The following FLT4 variants were observed in gnomAD, a reference collection of about 807,000 sequenced individuals.
FLT4 encodes the protein vascular endothelial growth factor receptor 3.
Under a neutral mutation model 163.2 loss-of-function variants are expected in FLT4, and 30 were observed. The observed-to-expected ratio is 0.18, with a 90% CI of 0.14 to 0.25. The LOEUF (loss-of-function observed/expected upper bound fraction) is 0.25. Ranked by LOEUF, FLT4 falls within the 10% of genes least tolerant of loss-of-function variation. The pLI, the probability that FLT4 is intolerant of heterozygous loss-of-function variation, is 1.00. For synonymous variants in FLT4, 884 were observed against 789.5 expected, an observed-to-expected ratio of 1.12 and a Z score of -2.01; for missense variants, 1,510 against 1,863.8, an observed-to-expected ratio of 0.81 and a Z score of 3.50.
chr5:180,643,462 C>T (rs533817329), intron 1 of FLT4, among the ~76,000 whole-genome samples: 3 of 152,324 alleles, frequency 2.0e-5, no homozygotes, highest in South Asian at 2.1e-4. Context: ...TCCTCCCCTC[C>T]CCGCTGCTGG....
Position 180,616,377 on chromosome 5 carries a change from C to A in FLT4, c.3209G>T (p.Arg1070Leu), listed in dbSNP as rs771345898. The A allele has an allele frequency of 6.8e-6, 11 of 1,613,844 alleles. No individual in the cohort carries two copies. Among genetic ancestry groups the A allele is most frequent in the Admixed American group, 1.7e-5 (1 of 60,004 alleles). Reference sequence around the variant, plus strand: ...ATGGCCTGCACTCACACTGCCCTTGCGGACGTAGTCGGGGTCTTTGTAGAT... The same window carrying A: ...ATGGCCTGCACTCACACTGCCCTTGAGGACGTAGTCGGGGTCTTTGTAGAT... ...RDIYKDPDYV[R>L]KGSARLPLKW... is the part of the protein sequence containing the mutation. The change falls in exon 23 of 30, where the codon CGC becomes CTC. Residue 1070 changes from arginine (R) to leucine (L), a missense_variant. Physicochemically the swap from Arg to Leu is moderately radical, Grantham distance 102. Around this residue, in one of 5 missense-constraint regions of FLT4, gnomAD observed 878 missense variants for 1,016.7 expected, o/e 0.86. Coordinates refer to ENST00000261937, the MANE Select transcript of FLT4 (RefSeq NM_182925.5).
chr5:180,609,144 T>G (rs1761982549), intron 28 of FLT4, 91 bp from the exon 29 acceptor site: 1 of 1,063,584 alleles, frequency 9.4e-7, no homozygotes, highest in Non-Finnish European at 1.5e-6. Context: ...GGCATGGTCC[T>G]GCAGCGCGGC....
chr5:180,642,141 AG>A (rs1303275726), intron 1 of FLT4, among the ~76,000 whole-genome samples: 41 of 150,876 alleles, frequency 2.7e-4, no homozygotes, highest in African/African-American at 9.3e-4. Context: ...TGAGAGGCAG[AG>A]CTTGCAGTGG....
chr5:180,642,847 TCTC>T, intron 1 of FLT4, among the ~76,000 whole-genome samples: 1 of 152,170 alleles, frequency 6.6e-6, no homozygotes, highest in South Asian at 2.1e-4. Context: ...TTCTCCAAAT[TCTC>T]CTTTCCCAAG....
chr5:180,604,199 T>C (rs1425412955), intron 29 of FLT4, among the ~76,000 whole-genome samples: 4 of 152,098 alleles, frequency 2.6e-5, no homozygotes, highest in Non-Finnish European at 5.9e-5. Flanking sequence ...GACCCGAGAC[T>C]GTGAAGAATG....
intron 1 of FLT4, among the ~76,000 whole-genome samples, chr5:180,640,333 C>T (rs538588364): frequency 7.5e-4 from 114 of 152,368 alleles, no homozygotes; most frequent in Non-Finnish European, 1.3e-3. Flanking sequence ...CAGGTGGCCA[C>T]GTGGGAGCCC....
intron 1 of FLT4, among the ~76,000 whole-genome samples, chr5:180,633,788 C>T (rs1465694882): frequency 6.6e-6 from 1 of 152,134 alleles, no homozygotes; most frequent in Non-Finnish European, 1.5e-5. Context: ...TGGGGCTAGA[C>T]CCGTCCGGAT....
At chr5:180,606,444 CCTAT>C (rs1179192714) in intron 29 of FLT4, among the ~76,000 whole-genome samples, 2 of 152,312 alleles carry the variant, frequency 1.3e-5, no homozygotes, top group East Asian at 1.9e-4. Context: ...ACGGGACGGC[CCTAT>C]CTGACTCTCC....
chr5:180,629,614 C>A (rs2127835006), intron 6 of FLT4, 82 bp downstream of exon 6: 1 of 1,528,832 alleles, frequency 6.5e-7, no homozygotes, highest in South Asian at 1.2e-5. Context: ...CCCACACATC[C>A]TCCACGCGGA....
In FLT4 at chr5:180,601,776, CGAA is replaced by C. The variant is rs1761529652; in HGVS notation, c.*1413_*1415del. On this transcript the variant is annotated 3_prime_UTR_variant, in exon 30 of 30. Coordinates refer to ENST00000261937, the MANE Select transcript of FLT4 (RefSeq NM_182925.5). ...GGAAGGGGGAGGTCCACGGGGACGA[CGAA>C]GATGACCTTATACGTGCACTCGGCA... 2.1e-5 allele frequency: 5 copies of C among 232,918 alleles called. No individual in the cohort carries two copies. The Admixed American group carries it at 2.8e-4, about 13-fold the overall frequency. The allele number at this position is 232,918 out of a possible 1,614,324, so 14.4% of individuals were successfully genotyped here.
intron 1 of FLT4, among the ~76,000 whole-genome samples, chr5:180,641,455 G>C (rs1282779580): frequency 6.6e-6 from 1 of 152,228 alleles, no homozygotes; most frequent in Non-Finnish European, 1.5e-5. Context: ...TGGCAGGCCT[G>C]CCAGCTGGAC....
chr5:180,625,720 G>A (rs1181779544), intron 10 of FLT4, 149 bp downstream of exon 10: 2 of 750,956 alleles, frequency 2.7e-6, no homozygotes, highest in African/African-American at 1.7e-5. Flanking sequence ...ATTGGCTATA[G>A]CTGAAGGTAG....
chr5:180,641,085 AGCCTCC>A (rs1004123586), intron 1 of FLT4, among the ~76,000 whole-genome samples: 2 of 152,158 alleles, frequency 1.3e-5, no homozygotes, highest in African/African-American at 4.8e-5. Context: ...CCTGAGCACC[AGCCTCC>A]CAGGCCCCTG....
intron 1 of FLT4, among the ~76,000 whole-genome samples, chr5:180,647,384 T>C (rs1029047768): frequency 2.6e-5 from 4 of 151,978 alleles, no homozygotes; most frequent in Middle Eastern, 6.8e-3. Context: ...GTGCCATGGC[T>C]ATGCTTGGGG....
At chr5:180,616,768 C>G in intron 22 of FLT4, 132 bp downstream of exon 22, 1 of 877,770 alleles carries the variant, frequency 1.1e-6, no homozygotes, top group Non-Finnish European at 1.9e-6. Context: ...GCAGAGTTTC[C>G]TCCTCTGCAA....
In FLT4 at chr5:180,611,428, C is replaced by T. The variant is rs779959568; in HGVS notation, c.3589G>A (p.Gly1197Ser). The T allele has an allele frequency of 6.8e-6, 11 of 1,613,902 alleles. No individual in the cohort carries two copies. Among genetic ancestry groups the T allele is most frequent in the Non-Finnish European group, 9.3e-6 (11 of 1,179,990 alleles). ...ATGGTGGACACCTGCGAGAAGCTGC[C>T]CTCTTCTGAGCTCTGAGAGCTGCGC... is the stretch of plus-strand genomic sequence containing the variant. ...APRSSQSSEE[G>S]SFSQVSTMAL... The change falls in exon 27 of 30, where the codon GGC becomes AGC. Residue 1197 changes from glycine to serine, a missense_variant. Coordinates refer to ENST00000261937, the MANE Select transcript of FLT4 (RefSeq NM_182925.5).
chr5:180,618,709 G>T (rs1477859876), intron 21 of FLT4, 61 bp downstream of exon 21: 1 of 1,095,712 alleles, frequency 9.1e-7, no homozygotes. Flanking sequence ...TGGGGTGCCT[G>T]ATCACGGGAT....
chr5:180,608,309 T>C (rs1283455567), intron 29 of FLT4: 8 of 700,768 alleles, frequency 1.1e-5, no homozygotes, highest in South Asian at 4.4e-5. Flanking sequence ...CCCCGTCCCA[T>C]GATCATGTGA....
At position 180,636,715 on chromosome 5, in the gene FLT4, C is replaced by A. The variant is rs1023000589; in HGVS notation, c.59-4937G>T. Among the ~76,000 whole-genome samples the A allele has an allele frequency of 6.6e-6, 1 of 152,026 alleles. No homozygotes were observed. Among genetic ancestry groups the A allele is most frequent in the South Asian group, 2.1e-4 (1 of 4,826 alleles). The stretch of plus-strand genomic sequence containing the variant: ...CCTGGACCTGGTCATCACCAGAGAC[C>A]GCGCCATCCCGGAACACCTGTCTTC... On this transcript the variant is annotated intron_variant, in intron 1 of 29. Transcript: ENST00000261937. The surrounding 1 kb of genome is among the most constrained non-coding windows in gnomAD (Gnocchi z 4.3).
Sources: allele counts gnomAD v4.1 joint callset (sites outside exome capture counted in the v4.1 genomes callset), GRCh38; gene constraint gnomAD v4.1.1; regional missense constraint gnomAD v4.1.1; non-coding constraint Gnocchi (gnomAD v3.1); transcripts MANE v1.5; gene names NCBI Gene and HGNC (gene_info 2026-07-23, HGNC 2026-07-21).